PREX1: variants seen among roughly 807,000 people sequenced by gnomAD.
The protein encoded by PREX1 is phosphatidylinositol 3,4,5-trisphosphate-dependent Rac exchanger 1 protein.
Under a neutral mutation model 198.3 loss-of-function variants are expected in PREX1, and 41 were observed. That is an observed-to-expected ratio of 0.21 (90% CI 0.16 to 0.27). The LOEUF is 0.27. Ranked by LOEUF, PREX1 falls within the 10% of genes least tolerant of loss-of-function variation. PREX1 has a pLI of 1.00. For synonymous variants in PREX1, 843 were observed against 887.2 expected (o/e 0.95, Z 0.89); for missense variants, 1,620 against 2,200.7 (o/e 0.74, Z 5.28).
the PREX1 span, among the ~76,000 whole-genome samples, chr20:48,840,475 A>G: frequency 6.6e-6 from 1 of 152,336 alleles, no homozygotes; most frequent in South Asian, 2.1e-4. Context: ...TCTGTGAGCA[A>G]GCGTTTTCAG....
At chr20:48,728,107 G>T (rs1266964087) in intron 4 of PREX1, among the ~76,000 whole-genome samples, 1 of 152,170 alleles carries the variant, frequency 6.6e-6, no homozygotes, top group East Asian at 1.9e-4. Context: ...AGACTCTTGG[G>T]AAAAGGGATT....
At chr20:48,749,436 T>C (rs2090124391) in intron 1 of PREX1, among the ~76,000 whole-genome samples, 1 of 152,138 alleles carries the variant, frequency 6.6e-6, no homozygotes, top group Non-Finnish European at 1.5e-5. Flanking sequence ...GCCTGTCTCA[T>C]CCCACCACGC....
chr20:48,653,330 CTTT>C (rs1382912163), intron 20 of PREX1, 28 bp downstream of exon 20: 6 of 1,605,100 alleles, frequency 3.7e-6, no homozygotes, highest in Middle Eastern at 1.7e-4. Context: ...AGCAGGACTT[CTTT>C]GACGGCCCCG....
intron 1 of PREX1, among the ~76,000 whole-genome samples, chr20:48,797,296 C>A (rs1303399874): frequency 6.6e-6 from 1 of 151,924 alleles, no homozygotes; most frequent in Non-Finnish European, 1.5e-5. Context: ...GTGGTTGAGT[C>A]CAGCAGAGCA....
At chr20:48,854,717 G>A in the PREX1 span, among the ~76,000 whole-genome samples, 4 of 152,242 alleles carry the variant, frequency 2.6e-5, no homozygotes, top group East Asian at 1.9e-4. Context: ...TGAAGAGGCC[G>A]AGGCCCAAAA....
upstream of PREX1, among the ~76,000 whole-genome samples, chr20:48,828,589 G>A (rs772194033): frequency 3.4e-4 from 50 of 149,130 alleles, no homozygotes; most frequent in Non-Finnish European, 6.6e-4. Context: ...CCGGGCCCTC[G>A]CGGTGCCCTC....
the PREX1 span, among the ~76,000 whole-genome samples, chr20:48,872,311 T>C: frequency 6.6e-6 from 1 of 152,146 alleles, no homozygotes; most frequent in African/African-American, 2.4e-5. Context: ...TGGATACGTA[T>C]AAGTTGAATA....
the PREX1 span, among the ~76,000 whole-genome samples, chr20:48,878,927 GC>G: frequency 6.6e-6 from 1 of 152,126 alleles, no homozygotes. Context: ...AAGTATTGAG[GC>G]TCCCAAGCCA....
At chr20:48,731,050 T>A (rs2090032803) in intron 4 of PREX1, among the ~76,000 whole-genome samples, 1 of 152,086 alleles carries the variant, frequency 6.6e-6, no homozygotes, top group Admixed American at 6.6e-5. Context: ...ATTGACTAAA[T>A]GCTCCTTCAT....
At chr20:48,652,212 G>A (rs2089503840) in intron 21 of PREX1, among the ~76,000 whole-genome samples, 1 of 152,154 alleles carries the variant, frequency 6.6e-6, no homozygotes, top group Non-Finnish European at 1.5e-5. Flanking sequence ...CAAGAAGATT[G>A]CTTCAGCCCA....
chr20:48,651,854 T>C (rs1358792466), intron 21 of PREX1, among the ~76,000 whole-genome samples: 1 of 152,196 alleles, frequency 6.6e-6, no homozygotes, highest in Non-Finnish European at 1.5e-5. Flanking sequence ...TCTGGGGGAA[T>C]AGCCCCTTGG....
chr20:48,858,964 T>C, the PREX1 span, among the ~76,000 whole-genome samples: 2 of 152,260 alleles, frequency 1.3e-5, no homozygotes, highest in African/African-American at 4.8e-5. Flanking sequence ...GGTGGAATCA[T>C]AGCTCACTGC....
At chr20:48,708,227 G>A (rs371941493) in intron 6 of PREX1, 33 bp downstream of exon 6, 54 of 1,606,398 alleles carry the variant, frequency 3.4e-5, no homozygotes, top group Middle Eastern at 1.7e-4. Flanking sequence ...GGCCCCCTGC[G>A]GCCCAGGAAG....
Position 48,645,879 on chromosome 20 carries a change from C to T in PREX1, c.3484G>A (p.Asp1162Asn), listed in dbSNP as rs747490930. ...AEEDQEDSGH[D>N]TMSYRDSYSE... ...TAGGAGTCGCGATAACTCATGGTGT[C>T]GTGGCCTGAGTCCTCCTGGTCCTCC... is the stretch of plus-strand genomic sequence containing the variant. Residue 1162 changes from aspartate (D) to asparagine (N), a missense_variant, in exon 26 of 40, where the codon GAC becomes AAC. Physicochemically the swap from Asp to Asn is conservative, Grantham distance 23. This residue lies in a region of PREX1 where 8 missense variants were observed against 26.8 expected (regional missense o/e 0.30). Coordinates refer to ENST00000371941, the MANE Select transcript of PREX1 (RefSeq NM_020820.4). 3.1e-6 allele frequency: 5 copies of T among 1,614,058 alleles called. No individual in the cohort carries two copies. Among genetic ancestry groups the T allele is most frequent in the Non-Finnish European group, 3.4e-6 (4 of 1,180,030 alleles).
chr20:48,762,168 C>T (rs991810945), intron 1 of PREX1, among the ~76,000 whole-genome samples: 19 of 152,208 alleles, frequency 1.2e-4, no homozygotes, highest in Admixed American at 5.2e-4. Context: ...TTCTCCAAGC[C>T]GTTCAGAATT....
chr20:48,628,476 C>T (rs972835135), intron 37 of PREX1, among the ~76,000 whole-genome samples: 3 of 152,180 alleles, frequency 2.0e-5, no homozygotes, highest in African/African-American at 4.8e-5. Context: ...CCTCCCTATA[C>T]TATTAACTAT....
At chr20:48,737,215 CAAAAAAA>C (rs140010281) in intron 3 of PREX1, among the ~76,000 whole-genome samples, 18 of 35,300 alleles carry the variant, frequency 5.1e-4, no homozygotes, top group East Asian at 9.5e-4. Flanking sequence ...GTTTTGACAG[CAAAAAAA>C]AAAAAAAAAA....
chr20:48,745,360 GTGT>G (rs1212954011), intron 2 of PREX1, among the ~76,000 whole-genome samples: 1 of 152,218 alleles, frequency 6.6e-6, no homozygotes, highest in Non-Finnish European at 1.5e-5. Context: ...GACTAATCGT[GTGT>G]TAAGAACTTT....
At chr20:48,883,929 A>G in the PREX1 span, among the ~76,000 whole-genome samples, 2 of 152,120 alleles carry the variant, frequency 1.3e-5, no homozygotes, top group Non-Finnish European at 2.9e-5. Context: ...TCACGAGGTC[A>G]GCAGATCCAG....
Sources: gnomAD v4.1 joint callset for allele counts (sites outside exome capture counted in the v4.1 genomes callset) on GRCh38, gnomAD v4.1.1 for gene constraint, gnomAD v4.1.1 regional missense constraint, MANE v1.5 for transcripts, NCBI Gene and HGNC (gene_info 2026-07-23, HGNC 2026-07-21) for gene names.